PURG: variants seen among roughly 807,000 people sequenced by gnomAD.
PURG encodes purine-rich element-binding protein gamma.
In PURG, 3 loss-of-function variants were observed where a neutral mutation model predicts 24.3. That is an observed-to-expected ratio of 0.12 (90% CI 0.06 to 0.32). The LOEUF (loss-of-function observed/expected upper bound fraction) is 0.32, where lower values mean the gene tolerates loss of function less well. PURG is among the 10% of genes least tolerant of loss of function. The pLI, the probability that PURG is intolerant of heterozygous loss-of-function variation, is 1.00. For missense variants in PURG, 371 were observed against 439.1 expected (o/e 0.84, Z 1.39); for synonymous variants, 180 against 173.1 (o/e 1.04, Z -0.31).
intron 1 of PURG, among the ~76,000 whole-genome samples, chr8:30,997,806 A>T (rs1041100302): frequency 2.0e-5 from 3 of 151,828 alleles, no homozygotes; most frequent in African/African-American, 7.2e-5. Flanking sequence ...AAATTATCCT[A>T]TGCTTTTTCT....
At chr8:31,012,743 G>A (rs1810787413) in intron 1 of PURG, among the ~76,000 whole-genome samples, 3 of 152,196 alleles carry the variant, frequency 2.0e-5, no homozygotes, top group Admixed American at 6.5e-5. Context: ...CCAGCTAGAA[G>A]GCATAGAGCC....
chr8:31,032,757 C>T lies in PURG; in HGVS notation c.26G>A (p.Gly9Asp), dbSNP rs1811267566. MERARRRG[G>D]GGGRGRGGKN... is the part of the protein sequence containing the mutation. ...GCCTCCGCGGCCGCGGCCGCCGCCGCCTCCCCTTCGCCTGGCTCTTTCCAT... is the reference window on the plus strand; with the variant it reads ...GCCTCCGCGGCCGCGGCCGCCGCCGTCTCCCCTTCGCCTGGCTCTTTCCAT... Residue 9 changes from glycine (G) to aspartate (D), a missense_variant, in exon 2 of 2, where the codon GGC (glycine) becomes GAC (aspartate). By Grantham distance (94) the Gly-to-Asp change is moderately conservative (BLOSUM62 -1). This residue lies in a region of PURG where 213 missense variants were observed against 230.6 expected (regional missense o/e 0.92). Coordinates refer to ENST00000523392, the MANE Select transcript of PURG (RefSeq NM_001323311.2). This position sits in a 1 kb window ranked among gnomAD's most constrained non-coding sequence, Gnocchi z 5.9. 2 of 1,439,480 alleles carry T rather than the reference C, an allele frequency of 1.4e-6. No individual in the cohort carries two copies. Among genetic ancestry groups the T allele is most frequent in the Non-Finnish European group, 1.8e-6 (2 of 1,093,232 alleles). The allele number at this position is 1,439,480 out of a possible 1,614,324, so 89.2% of individuals were successfully genotyped here. A position where few individuals can be genotyped will look rare whatever the true frequency, so the allele number is the denominator to read the frequency against.
intron 1 of PURG, among the ~76,000 whole-genome samples, chr8:31,007,738 G>C (rs893130289): frequency 3.3e-5 from 5 of 152,140 alleles, no homozygotes; most frequent in African/African-American, 1.2e-4. Flanking sequence ...ATCTAGATGA[G>C]AAAAACTGTA....
At chr8:31,028,202 T>G (rs540992520), downstream of PURG, among the ~76,000 whole-genome samples, 4 of 151,952 alleles carry the variant, frequency 2.6e-5, no homozygotes, top group Non-Finnish European at 5.9e-5. Flanking sequence ...ATTCTAGTTC[T>G]TAAGACATCA....
At chr8:31,012,905 T>C (rs761369115) in intron 1 of PURG, among the ~76,000 whole-genome samples, 25 of 152,242 alleles carry the variant, frequency 1.6e-4, no homozygotes, top group Non-Finnish European at 3.7e-4. Flanking sequence ...AGTTTATTAA[T>C]TATAGCATAG....
intron 1 of PURG, among the ~76,000 whole-genome samples, chr8:30,997,894 T>C (rs1475288430): frequency 1.3e-5 from 2 of 151,772 alleles, no homozygotes; most frequent in African/African-American, 2.4e-5. Flanking sequence ...CACATCCATG[T>C]TGATGATTTA....
chr8:30,996,400 T>C lies in PURG; in HGVS notation c.*193A>G, dbSNP rs16877618. On this transcript the variant is annotated 3_prime_UTR_variant, in exon 2 of 2. Coordinates refer to the PURG transcript ENST00000339382. ...AACAAAACCCAAAAACTGGATAGAGTCGAAAGGTACTTCAATGTGGTGGAA... is the reference window on the plus strand; with the variant it reads ...AACAAAACCCAAAAACTGGATAGAGCCGAAAGGTACTTCAATGTGGTGGAA... 5.4e-3 allele frequency: 2,353 copies of C among 439,202 alleles called. 53 individuals carry two copies. Among genetic ancestry groups the C allele is most frequent in the African/African-American group, 0.043 (2,148 of 49,616 alleles). The allele number at this position is 439,202 out of a possible 1,614,324, so 27.2% of individuals were successfully genotyped here.
At chr8:31,016,748 G>T (rs1004049404) in intron 1 of PURG, among the ~76,000 whole-genome samples, 2 of 152,098 alleles carry the variant, frequency 1.3e-5, no homozygotes, top group Non-Finnish European at 2.9e-5. Context: ...CTCTGAGGAT[G>T]GGGACCAAAC....
chr8:31,031,770 G>A lies in PURG; in HGVS notation c.1013C>T (p.Ala338Val). 1 of 1,551,496 alleles carries A rather than the reference G, an allele frequency of 6.4e-7. No homozygotes were observed. The highest frequency in any genetic ancestry group is 8.7e-7 in the Non-Finnish European group (1 of 1,146,960). The change falls in exon 2 of 2, where the codon GCC becomes GTC. Residue 338 changes from alanine to valine, a missense_variant. Physicochemically the swap from Ala to Val is moderately conservative, Grantham distance 64 (BLOSUM62 0). Transcript: ENST00000523392. Reference protein sequence around the residue: ...HKEKRMDGRKASGEEQECLD With the variant: ...HKEKRMDGRKVSGEEQECLD ...GAGGCATTCTTGTTCTTCACCACTG[G>A]CCTTTCTGCCATCCATTCTCTTTTC...
chr8:31,026,313 A>T (rs1425650674), downstream of PURG, among the ~76,000 whole-genome samples: 1 of 151,704 alleles, frequency 6.6e-6, no homozygotes, highest in Non-Finnish European at 1.5e-5. Context: ...TACTTCAGGA[A>T]AAAGACCAAT....
intron 1 of PURG, among the ~76,000 whole-genome samples, chr8:31,024,103 TACA>T (rs756207276): frequency 7.2e-5 from 11 of 152,338 alleles, no homozygotes; most frequent in East Asian, 1.9e-4. Flanking sequence ...GTAGTTAGTA[TACA>T]ACAACTTGGT....
rs1810576639 is a variant in PURG at position 31,003,322 on chromosome 8, A to C, written c.865-6625T>G. 2.0e-5 allele frequency among the ~76,000 whole-genome samples: 3 copies of C among 152,226 alleles called. No individual in the cohort carries two copies. The South Asian group carries it at 6.2e-4, about 32-fold the overall frequency. The stretch of plus-strand genomic sequence containing the variant: ...TGAGAAATATTTCAAGAACGGGAAT[A>C]ATCTGAAACTTTATCAGTGTTCTCT... On this transcript the variant is annotated intron_variant, in intron 1 of 1. Transcript: ENST00000339382.
In PURG at chr8:30,999,263, T is replaced by C. The variant is rs557534563; in HGVS notation, c.865-2566A>G. On this transcript the variant is annotated intron_variant, in intron 1 of 1. Transcript: ENST00000339382. Reference sequence around the variant, plus strand: ...CAACTACTCAATTATTTATGACCAATGAAAACTAATTAAAAAGTTTGAATA... The same window carrying C: ...CAACTACTCAATTATTTATGACCAACGAAAACTAATTAAAAAGTTTGAATA... Among the ~76,000 whole-genome samples the C allele has an allele frequency of 8.6e-5, 13 of 151,968 alleles. No homozygotes were observed. The South Asian group carries it at 2.7e-3, about 32-fold the overall frequency.
chr8:30,999,919 G>A (rs1252950032), intron 1 of PURG, among the ~76,000 whole-genome samples: 2 of 151,652 alleles, frequency 1.3e-5, no homozygotes, highest in Non-Finnish European at 1.5e-5. Flanking sequence ...TTGTTTAGGC[G>A]AATTTTAGTA....
intron 1 of PURG, among the ~76,000 whole-genome samples, chr8:31,020,983 T>C (rs1017927059): frequency 2.0e-5 from 3 of 152,206 alleles, no homozygotes; most frequent in African/African-American, 4.8e-5. Flanking sequence ...TCAAGATGAT[T>C]TGTATTCACA....
intron 1 of PURG, among the ~76,000 whole-genome samples, chr8:31,007,413 T>G (rs1260582293): frequency 6.6e-6 from 1 of 152,140 alleles, no homozygotes; most frequent in African/African-American, 2.4e-5. Flanking sequence ...CAGAGTCAAA[T>G]GACCCGCTAA....
chr8:31,001,733 G>A (rs1474844956), intron 1 of PURG, among the ~76,000 whole-genome samples: 1 of 152,186 alleles, frequency 6.6e-6, no homozygotes, highest in Non-Finnish European at 1.5e-5. Context: ...AAAAAGCTGT[G>A]CTGGTCCACT....
At chr8:31,006,360 C>T (rs551775731) in intron 1 of PURG, among the ~76,000 whole-genome samples, 26 of 151,952 alleles carry the variant, frequency 1.7e-4, no homozygotes, top group Admixed American at 6.5e-4. Flanking sequence ...TTTGAGAGGG[C>T]GAGGAGGGTG....
chr8:31,025,294 AT>A (rs1399898707), intron 1 of PURG, among the ~76,000 whole-genome samples: 1 of 151,966 alleles, frequency 6.6e-6, no homozygotes, highest in Non-Finnish European at 1.5e-5. Context: ...CTAAAGATGA[AT>A]TTTTAATGAA....
Sources: allele counts gnomAD v4.1 joint callset (sites outside exome capture counted in the v4.1 genomes callset), GRCh38; gene constraint gnomAD v4.1.1; regional missense constraint gnomAD v4.1.1; non-coding constraint Gnocchi (gnomAD v3.1); transcripts MANE v1.5; gene names NCBI Gene and HGNC (gene_info 2026-07-23, HGNC 2026-07-21).